DOCK2: variants seen among roughly 807,000 people sequenced by gnomAD.
DOCK2 encodes the protein dedicator of cytokinesis 2.
In DOCK2, 87 loss-of-function variants were observed where a neutral mutation model predicts 248.9. The observed-to-expected ratio is 0.35, with a 90% CI of 0.29 to 0.42. DOCK2 has a LOEUF of 0.42. DOCK2 is among the 10% of genes least tolerant of loss of function. The pLI, the probability that DOCK2 is intolerant of heterozygous loss-of-function variation, is 1.00. For missense variants in DOCK2, 1,747 were observed against 2,300.2 expected (o/e 0.76, Z 4.92); for synonymous variants, 805 against 821.6 (o/e 0.98, Z 0.35).
At chr5:170,022,000 C>A (rs577783483) in intron 33 of DOCK2, among the ~76,000 whole-genome samples, 11 of 152,288 alleles carry the variant, frequency 7.2e-5, no homozygotes, top group Non-Finnish European at 1.3e-4. Context: ...CCACATTGTT[C>A]CCTCTCTAAA....
intron 26 of DOCK2, among the ~76,000 whole-genome samples, chr5:169,804,740 C>A (rs1046795342): frequency 1.3e-5 from 2 of 152,092 alleles, no homozygotes; most frequent in African/African-American, 4.8e-5. Context: ...ATAAATAGAG[C>A]AAATAAATGT....
chr5:169,668,364 CAG>C (rs1758849696), intron 2 of DOCK2, among the ~76,000 whole-genome samples: 1 of 152,192 alleles, frequency 6.6e-6, no homozygotes, highest in Non-Finnish European at 1.5e-5. Flanking sequence ...CCTGTTGCTT[CAG>C]AGTTTCCTTT....
At chr5:169,983,506 A>C (rs1195934487) in intron 28 of DOCK2, among the ~76,000 whole-genome samples, 5 of 152,356 alleles carry the variant, frequency 3.3e-5, no homozygotes, top group Admixed American at 3.3e-4. Flanking sequence ...TCACGTAGTA[A>C]GTGCTCAGTA....
chr5:169,808,639 C>A (rs573055840), intron 26 of DOCK2, among the ~76,000 whole-genome samples: 3 of 152,114 alleles, frequency 2.0e-5, no homozygotes, highest in Non-Finnish European at 4.4e-5. Flanking sequence ...CTTTGAAGGG[C>A]GGTTTCACAC....
At chr5:169,778,687 G>T in intron 25 of DOCK2, among the ~76,000 whole-genome samples, 1 of 152,186 alleles carries the variant, frequency 6.6e-6, no homozygotes, top group East Asian at 1.9e-4. Flanking sequence ...TGCACATTGG[G>T]CATATCGAGT....
At chr5:170,036,610 A>G in intron 36 of DOCK2, 55 bp downstream of exon 36, 3 of 1,562,668 alleles carry the variant, frequency 1.9e-6, no homozygotes, top group Admixed American at 1.7e-5. Flanking sequence ...CCTGCTCAGT[A>G]TCCATCGATG....
intron 13 of DOCK2, among the ~76,000 whole-genome samples, chr5:169,700,954 A>G (rs1439379796): frequency 3.3e-5 from 5 of 151,670 alleles, no homozygotes; most frequent in East Asian, 1.9e-4. Flanking sequence ...AGAAAGAAAG[A>G]AAGAAAGAAA....
At position 169,825,796 on chromosome 5, in the gene DOCK2, A is replaced by T. The variant is rs554509282; in HGVS notation, c.2704-14961A>T. Among the ~76,000 whole-genome samples, 9 of 149,708 alleles carry T rather than the reference A, an allele frequency of 6.0e-5. No homozygotes were observed. In the East Asian group the frequency reaches 1.7e-3, roughly 29 times the overall value. On this transcript the variant is annotated intron_variant, in intron 26 of 51. Coordinates refer to ENST00000520908, the MANE Select transcript of DOCK2 (RefSeq NM_004946.3). ...AAAAATATATCTATATATATATATA[A>T]AGAAAATATTGAAACGTTTGCATAA... is the stretch of plus-strand genomic sequence containing the variant.
intron 22 of DOCK2, among the ~76,000 whole-genome samples, chr5:169,740,248 A>C (rs978877873): frequency 6.6e-6 from 1 of 152,158 alleles, no homozygotes; most frequent in African/African-American, 2.4e-5. Flanking sequence ...TGAATGTTTC[A>C]GATGGATTGT....
chr5:169,835,263 T>TTTG (rs1554106633), intron 26 of DOCK2, among the ~76,000 whole-genome samples: 1 of 147,962 alleles, frequency 6.8e-6, no homozygotes, highest in African/African-American at 2.5e-5. Flanking sequence ...ATGCCTGGTT[T>TTTG]TTTTTTTTTT....
intron 27 of DOCK2, chr5:169,882,875 G>A (rs1772741213): frequency 1.3e-6 from 2 of 1,551,490 alleles, no homozygotes; most frequent in Admixed American, 2.0e-5. Context: ...TTAGTTTTGA[G>A]TGACACCAGA....
chr5:169,737,411 T>C (rs574476212), intron 22 of DOCK2, among the ~76,000 whole-genome samples: 4 of 152,294 alleles, frequency 2.6e-5, no homozygotes, highest in Non-Finnish European at 5.9e-5. Flanking sequence ...AATGGGGAGC[T>C]GTGATATTAT....
At chr5:169,759,648 G>GTTGATGATGTGAGGAT in intron 23 of DOCK2, 57 bp from the exon 24 acceptor site, 1 of 1,592,456 alleles carries the variant, frequency 6.3e-7, no homozygotes, top group African/African-American at 1.3e-5. Context: ...TACCCTCTTT[G>GTTGATGATGTGAGGAT]CCAGCACAGA....
At chr5:170,049,398 C>A (rs1581556845) in intron 40 of DOCK2, among the ~76,000 whole-genome samples, 4 of 152,344 alleles carry the variant, frequency 2.6e-5, no homozygotes, top group African/African-American at 7.2e-5. Flanking sequence ...CAGGCGTGAG[C>A]CACCAGGCCC....
rs369643265 is a variant in DOCK2 at position 169,774,245 on chromosome 5, C to T, written c.2554+12620C>T. 3.5e-4 allele frequency among the ~76,000 whole-genome samples: 54 copies of T among 152,270 alleles called. 1 individual carries two copies. Among genetic ancestry groups the T allele is most frequent in the African/African-American group, 1.2e-3 (49 of 41,546 alleles). ...TATTAAAAATCTAAAACTGTGGCAG[C>T]ACTGTACTGTGGGGACTATTAACAA... is the stretch of plus-strand genomic sequence containing the variant. On this transcript the variant is annotated intron_variant, in intron 25 of 51. Coordinates refer to ENST00000520908, the MANE Select transcript of DOCK2 (RefSeq NM_004946.3).
At chr5:169,712,973 A>G (rs147877560) in intron 17 of DOCK2, among the ~76,000 whole-genome samples, 1 of 152,384 alleles carries the variant, frequency 6.6e-6, no homozygotes, top group East Asian at 1.9e-4. Context: ...TAGCCAGCAC[A>G]TGGATCACAC....
intron 26 of DOCK2, among the ~76,000 whole-genome samples, chr5:169,831,187 A>G (rs1769205467): frequency 6.8e-6 from 1 of 147,540 alleles, no homozygotes; most frequent in Admixed American, 6.9e-5. Flanking sequence ...CATTTTTTCC[A>G]GACTTTCTGG....
intron 26 of DOCK2, among the ~76,000 whole-genome samples, chr5:169,839,717 G>A (rs865851334): frequency 3.9e-4 from 60 of 152,262 alleles, no homozygotes; most frequent in African/African-American, 1.4e-3. Flanking sequence ...ACCCAAGGTG[G>A]GTAATGTGGC....
At chr5:169,916,672 T>C (rs988066615) in intron 27 of DOCK2, among the ~76,000 whole-genome samples, 2 of 75,314 alleles carry the variant, frequency 2.7e-5, no homozygotes, top group Non-Finnish European at 4.9e-5. Flanking sequence ...ATTGGTAACT[T>C]TTCAAAATAT....
Sources: allele counts gnomAD v4.1 joint callset (sites outside exome capture counted in the v4.1 genomes callset), GRCh38; gene constraint gnomAD v4.1.1; transcripts MANE v1.5; gene names NCBI Gene and HGNC (gene_info 2026-07-23, HGNC 2026-07-21).